The following OPCML variants were observed in gnomAD, a reference collection of about 807,000 sequenced individuals.
OPCML encodes the protein opioid-binding protein/cell adhesion molecule.
Under a neutral mutation model 37.8 loss-of-function variants are expected in OPCML, and 13 were observed. The ratio of observed to expected loss-of-function variants is 0.34; its 90% CI spans 0.22 to 0.55. The LOEUF is 0.55. Among genes scored for constraint, OPCML ranks in the 20% least tolerant of loss-of-function variants. The pLI is 0.91. For synonymous variants in OPCML, 176 were observed against 168.8 expected (o/e 1.04, Z -0.33); for missense variants, 341 against 435.6 (o/e 0.78, Z 1.93).
At chr11:132,501,896 A>G (rs1461959950) in intron 4 of OPCML, among the ~76,000 whole-genome samples, 1 of 152,222 alleles carries the variant, frequency 6.6e-6, no homozygotes, top group Non-Finnish European at 1.5e-5. Flanking sequence ...TTGAAGTTAT[A>G]CAAATGCTTT....
chr11:132,511,976 G>A (rs10894569), intron 4 of OPCML, among the ~76,000 whole-genome samples: 31,707 of 151,832 alleles, frequency 0.21, 3,389 homozygotes, highest in Non-Finnish European at 0.23. Context: ...ACATATAGCT[G>A]ACATAAGACA....
Position 132,525,347 on chromosome 11 carries a change from T to C in OPCML, c.505+3714A>G, listed in dbSNP as rs150819580. Among the ~76,000 whole-genome samples the C allele has an allele frequency of 4.7e-4, 72 of 152,336 alleles. No individual in the cohort carries two copies. The East Asian group carries it at 0.014, about 29-fold the overall frequency. On this transcript the variant is annotated intron_variant, in intron 4 of 7. Coordinates refer to ENST00000524381, the MANE Select transcript of OPCML (RefSeq NM_001012393.5). ...ATTTTTAATTTTTAATAACTGCTCATTAAAATATTTTTCTTAAATGAAGGC... is the reference window on the plus strand; with the variant it reads ...ATTTTTAATTTTTAATAACTGCTCACTAAAATATTTTTCTTAAATGAAGGC...
At chr11:132,770,397 G>A (rs1038704445) in intron 2 of OPCML, among the ~76,000 whole-genome samples, 1 of 152,132 alleles carries the variant, frequency 6.6e-6, no homozygotes, top group African/African-American at 2.4e-5. Context: ...AGGGAGAGAG[G>A]AGGAAAGACA....
chr11:132,548,830 C>T (rs779851133), intron 3 of OPCML, among the ~76,000 whole-genome samples: 3 of 152,190 alleles, frequency 2.0e-5, no homozygotes, highest in Non-Finnish European at 4.4e-5. Flanking sequence ...CTTTTCCTTT[C>T]TCCATCTTCA....
At chr11:133,503,735 A>G (rs1947966211) in intron 1 of OPCML, among the ~76,000 whole-genome samples, 1 of 152,172 alleles carries the variant, frequency 6.6e-6, no homozygotes, top group Admixed American at 6.5e-5. Flanking sequence ...TTACCACACC[A>G]AGAATCCCTC....
chr11:132,938,820 T>C lies in OPCML; in HGVS notation c.146+4106A>G, dbSNP rs962290483. Among the ~76,000 whole-genome samples the C allele has an allele frequency of 2.8e-4, 43 of 152,182 alleles. 1 individual carries two copies. The highest frequency in any genetic ancestry group is 1.5e-5 in the Non-Finnish European group (1 of 68,030). On this transcript the variant is annotated intron_variant, in intron 2 of 7. Transcript: ENST00000524381. ...CTGGATAAGCCTTGCTCAGAGGCTC[T>C]AGGGCCAGAAAGGGCTTTAGAGCAG...
chr11:132,509,370 A>T (rs2096263933), intron 4 of OPCML, among the ~76,000 whole-genome samples: 1 of 152,142 alleles, frequency 6.6e-6, no homozygotes, highest in African/African-American at 2.4e-5. Context: ...CTAGGGAGAA[A>T]TTCACGCCAG....
chr11:132,855,595 T>G (rs1436349457), intron 2 of OPCML, among the ~76,000 whole-genome samples: 4 of 152,200 alleles, frequency 2.6e-5, no homozygotes, highest in African/African-American at 9.6e-5. Context: ...GGTAACTCCA[T>G]GTTTAACATT....
At chr11:132,911,308 A>G (rs1248882697) in intron 2 of OPCML, among the ~76,000 whole-genome samples, 1 of 152,218 alleles carries the variant, frequency 6.6e-6, no homozygotes, top group Non-Finnish European at 1.5e-5. Context: ...TGAACTGCCA[A>G]ATAACCAGTA....
chr11:132,656,849 A>G (rs573616187), intron 3 of OPCML, among the ~76,000 whole-genome samples: 1 of 152,368 alleles, frequency 6.6e-6, no homozygotes, highest in Admixed American at 6.5e-5. Context: ...TGCATGTTAC[A>G]CAACGTATTG....
At chr11:133,500,029 AC>A in intron 1 of OPCML, among the ~76,000 whole-genome samples, 1 of 151,322 alleles carries the variant, frequency 6.6e-6, no homozygotes, top group South Asian at 2.1e-4. Context: ...GTGCCACCAC[AC>A]CCAGCTAATT....
intron 4 of OPCML, among the ~76,000 whole-genome samples, chr11:132,482,261 A>T (rs1247039525): frequency 6.6e-6 from 1 of 152,192 alleles, no homozygotes; most frequent in Non-Finnish European, 1.5e-5. Flanking sequence ...CCACAGAAAT[A>T]CAAACTACCA....
At chr11:132,996,166 G>A (rs1291816783) in intron 1 of OPCML, among the ~76,000 whole-genome samples, 1 of 152,112 alleles carries the variant, frequency 6.6e-6, no homozygotes, top group Non-Finnish European at 1.5e-5. Context: ...TGTCCTCATT[G>A]TAGATGGGGT....
At chr11:133,032,077 T>C (rs762236912) in intron 1 of OPCML, among the ~76,000 whole-genome samples, 2 of 152,192 alleles carry the variant, frequency 1.3e-5, no homozygotes, top group African/African-American at 2.4e-5. Flanking sequence ...GGATATCCAG[T>C]AGTTTAATTT....
At position 133,140,946 on chromosome 11, in the gene OPCML, CGACGAAGAA is replaced by C. The variant is rs1949795376; in HGVS notation, c.62-197945_62-197937del. Among the ~76,000 whole-genome samples the C allele has an allele frequency of 4.3e-4, 2 of 4,650 alleles. 1 individual carries two copies. The highest frequency in any genetic ancestry group is 8.0e-4 in the African/African-American group (2 of 2,514). The allele number at this position is 4,650 out of a possible 152,430, so 3.1% of individuals were successfully genotyped here. ...ACGACGACGACGAAGAAGAAGAAGA[CGACGAAGAA>C]GAAGAAGAAGAAGAAGAAGAAGAAG... On this transcript the variant is annotated intron_variant, in intron 1 of 7. Coordinates refer to ENST00000524381, the MANE Select transcript of OPCML (RefSeq NM_001012393.5).
At chr11:133,056,842 TATTTA>T (rs1346374658) in intron 1 of OPCML, among the ~76,000 whole-genome samples, 2 of 152,298 alleles carry the variant, frequency 1.3e-5, no homozygotes, top group African/African-American at 2.4e-5. Context: ...CTTACTTATT[TATTTA>T]ATTTATTTAT....
intron 3 of OPCML, among the ~76,000 whole-genome samples, chr11:132,558,744 A>G (rs1225825412): frequency 6.6e-6 from 1 of 151,948 alleles, no homozygotes; most frequent in African/African-American, 2.4e-5. Context: ...ATGGCATAGC[A>G]GTGGCTGCCA....
chr11:133,249,579 CG>C (rs545531821), intron 1 of OPCML, among the ~76,000 whole-genome samples: 85 of 152,240 alleles, frequency 5.6e-4, no homozygotes, highest in African/African-American at 2.0e-3. Context: ...GGGCATTTTA[CG>C]ACAGGGTTGA....
intron 3 of OPCML, among the ~76,000 whole-genome samples, chr11:132,637,105 C>G (rs1023319372): frequency 3.3e-5 from 5 of 151,216 alleles, no homozygotes; most frequent in African/African-American, 1.2e-4. Context: ...ATATTTTTTA[C>G]TTCTGTAGTT....
Sources: allele counts gnomAD v4.1 joint callset (sites outside exome capture counted in the v4.1 genomes callset), GRCh38; gene constraint gnomAD v4.1.1; transcripts MANE v1.5; gene names NCBI Gene and HGNC (gene_info 2026-07-23, HGNC 2026-07-21).